The following ATP6V1A variants were observed in gnomAD, a reference collection of about 807,000 sequenced individuals.
ATP6V1A encodes V-type proton ATPase catalytic subunit A.
ATP6V1A carries 18 observed loss-of-function variants against 70.1 expected under a neutral mutation model. The ratio of observed to expected loss-of-function variants is 0.26; its 90% CI spans 0.18 to 0.38. The LOEUF (loss-of-function observed/expected upper bound fraction) is 0.38. Ranked by LOEUF, ATP6V1A falls within the 10% of genes least tolerant of loss-of-function variation. ATP6V1A has a pLI of 1.00. For missense variants in ATP6V1A, 424 were observed against 772.4 expected, an observed-to-expected ratio of 0.55 and a Z score of 5.35; for synonymous variants, 232 against 253.8, an observed-to-expected ratio of 0.91 and a Z score of 0.82.
chr3:113,796,699 T>A (rs1412617029), intron 11 of ATP6V1A, among the ~76,000 whole-genome samples: 3 of 152,206 alleles, frequency 2.0e-5, no homozygotes, highest in African/African-American at 7.2e-5. Flanking sequence ...ACAGAATATT[T>A]ACTTGTGTTT....
chr3:113,797,515 C>T (rs540992315), intron 11 of ATP6V1A, among the ~76,000 whole-genome samples: 4 of 152,176 alleles, frequency 2.6e-5, no homozygotes, highest in African/African-American at 9.6e-5. Context: ...CTCAGCCTCC[C>T]AGAGTGCTAG....
chr3:113,805,457 A>G lies in ATP6V1A; in HGVS notation c.1693A>G (p.Ile565Val). Residue 565 changes from isoleucine (I) to valine (V), a missense_variant, in exon 14 of 15, where the codon ATC (isoleucine) becomes GTC (valine). Coordinates refer to ENST00000273398, the MANE Select transcript of ATP6V1A (RefSeq NM_001690.4). Reference sequence around the variant, plus strand: ...AACCACTGCCCAGAGTGACAATAAAATCACATGGTCCATTATTCGTGAGCA... The same window carrying G: ...AACCACTGCCCAGAGTGACAATAAAGTCACATGGTCCATTATTCGTGAGCA... ...VETTAQSDNK[I>V]TWSIIREHMG... 1 of 1,614,006 alleles carries G rather than the reference A, an allele frequency of 6.2e-7. No homozygotes were observed. Among genetic ancestry groups the G allele is most frequent in the Non-Finnish European group, 8.5e-7 (1 of 1,179,860 alleles).
chr3:113,773,642 G>C (rs1708876143), intron 1 of ATP6V1A, among the ~76,000 whole-genome samples: 1 of 152,108 alleles, frequency 6.6e-6, no homozygotes, highest in South Asian at 2.1e-4. Flanking sequence ...TAAAAAATCA[G>C]AACAGACATC....
At chr3:113,785,692 T>C (rs1709031398) in intron 5 of ATP6V1A, among the ~76,000 whole-genome samples, 1 of 149,450 alleles carries the variant, frequency 6.7e-6, no homozygotes, top group African/African-American at 2.5e-5. Context: ...TTTTTTGAGA[T>C]GGACTCTTGC....
chr3:113,789,902 A>T, intron 8 of ATP6V1A, 62 bp downstream of exon 8: 1 of 1,268,006 alleles, frequency 7.9e-7, no homozygotes. Flanking sequence ...GCTAGCACCA[A>T]ACTTTTCTAA....
At position 113,784,211 on chromosome 3, in the gene ATP6V1A, C is replaced by T. The variant is rs199933874; in HGVS notation, c.212-13C>T. 754 of 1,610,212 alleles carry T rather than the reference C, an allele frequency of 4.7e-4. 14 individuals are homozygous for T. The South Asian group carries it at 7.8e-3, about 17-fold the overall frequency. On this transcript the variant is annotated splice_polypyrimidine_tract_variant and intron_variant, in intron 3 of 14. Transcript: ENST00000273398. ...AACCTTCATAGTAGGTTTTCCTTAG[C>T]TGCTGTTTTTAGCTGGTGTGTCTGT...
At chr3:113,751,657 A>G (rs1303010026) in intron 1 of ATP6V1A, among the ~76,000 whole-genome samples, 1 of 151,144 alleles carries the variant, frequency 6.6e-6, no homozygotes, top group Non-Finnish European at 1.5e-5. Context: ...TTATAAGTGT[A>G]TTCATTTATA....
chr3:113,784,932 T>C (rs1411877018), intron 5 of ATP6V1A, 99 bp downstream of exon 5: 4 of 1,298,642 alleles, frequency 3.1e-6, no homozygotes, highest in East Asian at 2.5e-5. Flanking sequence ...TGATATTTAA[T>C]ACATAAGTTT....
intron 12 of ATP6V1A, among the ~76,000 whole-genome samples, chr3:113,802,236 G>C: frequency 7.2e-6 from 1 of 138,012 alleles, no homozygotes; most frequent in Non-Finnish European, 1.6e-5. Context: ...GAGCTATATA[G>C]ATTTTTATGA....
chr3:113,800,551 T>G (rs552482439), intron 12 of ATP6V1A, among the ~76,000 whole-genome samples: 1 of 152,266 alleles, frequency 6.6e-6, no homozygotes, highest in South Asian at 2.1e-4. Context: ...GAAAACTGTT[T>G]ACTATTTGAA....
intron 10 of ATP6V1A, 31 bp downstream of exon 10, chr3:113,795,235 G>C: frequency 6.3e-7 from 1 of 1,592,558 alleles, no homozygotes; most frequent in Non-Finnish European, 8.5e-7. Flanking sequence ...CTTTGCAAAA[G>C]GAAAAAAGTC....
chr3:113,809,509 C>T lies in ATP6V1A; in HGVS notation c.*82C>T. 2 of 1,272,890 alleles carry T rather than the reference C, an allele frequency of 1.6e-6. No individual in the cohort carries two copies. Among genetic ancestry groups the T allele is most frequent in the East Asian group, 5.0e-5 (2 of 39,990 alleles). The allele number at this position is 1,272,890 out of a possible 1,614,324, so 78.8% of individuals were successfully genotyped here. A position where few individuals can be genotyped will look rare whatever the true frequency, so the allele number is the denominator to read the frequency against. On this transcript the variant is annotated 3_prime_UTR_variant, in exon 15 of 15. Transcript: ENST00000273398. Reference sequence around the variant, plus strand: ...ATTTTCCTGAATTTCTCATCTCAAACCCTTTGCTTCTTTATTGTGCAGCTT... The same window carrying T: ...ATTTTCCTGAATTTCTCATCTCAAATCCTTTGCTTCTTTATTGTGCAGCTT...
At chr3:113,772,308 A>G (rs1708850855) in intron 1 of ATP6V1A, among the ~76,000 whole-genome samples, 1 of 152,330 alleles carries the variant, frequency 6.6e-6, no homozygotes, top group East Asian at 1.9e-4. Context: ...TGGACTGGGG[A>G]TATTTGAGCA....
At chr3:113,789,956 C>A in intron 8 of ATP6V1A, 116 bp downstream of exon 8, 2 of 718,682 alleles carry the variant, frequency 2.8e-6, no homozygotes, top group Non-Finnish European at 4.6e-6. Flanking sequence ...TACATATAAG[C>A]ACATTCCTAG....
At chr3:113,754,188 A>G (rs1363123256) in intron 1 of ATP6V1A, among the ~76,000 whole-genome samples, 1 of 152,198 alleles carries the variant, frequency 6.6e-6, no homozygotes, top group African/African-American at 2.4e-5. Flanking sequence ...ACTTTACATT[A>G]TATGTTTTTA....
intron 2 of ATP6V1A, among the ~76,000 whole-genome samples, chr3:113,780,372 A>G (rs1211018081): frequency 6.6e-6 from 1 of 152,226 alleles, no homozygotes; most frequent in African/African-American, 2.4e-5. Context: ...ATTTTTGCTT[A>G]CTAGACCACA....
intron 1 of ATP6V1A, among the ~76,000 whole-genome samples, chr3:113,769,575 A>G (rs1396082924): frequency 6.6e-6 from 1 of 152,204 alleles, no homozygotes; most frequent in African/African-American, 2.4e-5. Context: ...CAGCCATATC[A>G]TCCAAGACTT....
chr3:113,799,117 TAAAGAC>T (rs1319613733), intron 12 of ATP6V1A, among the ~76,000 whole-genome samples: 1 of 152,038 alleles, frequency 6.6e-6, no homozygotes, highest in Non-Finnish European at 1.5e-5. Context: ...CAAAACCAGA[TAAAGAC>T]AATACAAGAA....
rs1577091013 is a variant in ATP6V1A at position 113,787,438 on chromosome 3, C to G, written c.716+1055C>G. ...AGGGGGAAAATGCCCTGTTTCATGGCAAAGAAGTAAATACTCCAATATCTG... is the reference window on the plus strand; with the variant it reads ...AGGGGGAAAATGCCCTGTTTCATGGGAAAGAAGTAAATACTCCAATATCTG... On this transcript the variant is annotated intron_variant, in intron 6 of 14. Coordinates refer to ENST00000273398, the MANE Select transcript of ATP6V1A (RefSeq NM_001690.4). 2.6e-5 allele frequency among the ~76,000 whole-genome samples: 4 copies of G among 152,122 alleles called. No homozygotes were observed. The East Asian group carries it at 7.7e-4, about 29-fold the overall frequency.
Sources: allele counts gnomAD v4.1 joint callset (sites outside exome capture counted in the v4.1 genomes callset), GRCh38; gene constraint gnomAD v4.1.1; transcripts MANE v1.5; gene names NCBI Gene and HGNC (gene_info 2026-07-23, HGNC 2026-07-21).